EPHX4: variants seen among roughly 807,000 people sequenced by gnomAD.
The protein encoded by EPHX4 is abhydrolase domain containing 7.
Under a neutral mutation model 44.9 loss-of-function variants are expected in EPHX4, and 31 were observed. The ratio of observed to expected loss-of-function variants is 0.69; its 90% CI spans 0.52 to 0.93. The LOEUF (loss-of-function observed/expected upper bound fraction) is 0.93. Ranked by LOEUF, EPHX4 falls within the 40% of genes least tolerant of loss-of-function variation. EPHX4 has a pLI of 0.00. For synonymous variants in EPHX4, 151 were observed against 159.7 expected, an observed-to-expected ratio of 0.95 and a Z score of 0.41; for missense variants, 373 against 438.1, an observed-to-expected ratio of 0.85 and a Z score of 1.33.
chr1:92,045,171 G>T (rs535039059), intron 3 of EPHX4, among the ~76,000 whole-genome samples: 13 of 151,932 alleles, frequency 8.6e-5, no homozygotes, highest in Non-Finnish European at 1.8e-4. Flanking sequence ...GTGTGTGTTG[G>T]GGGGAGGTCT....
At position 92,037,318 on chromosome 1, in the gene EPHX4, C is replaced by T. The variant is rs559034407; in HGVS notation, c.317+4728C>T. ...ATCATCATTGCCTGAGAATAGCTGA[C>T]GAGAAATGGTGATATTTCATGTATA... On this transcript the variant is annotated intron_variant, in intron 2 of 6. Transcript: ENST00000370383. Among the ~76,000 whole-genome samples the T allele has an allele frequency of 2.4e-4, 37 of 152,150 alleles. No individual in the cohort carries two copies. In the South Asian group the frequency reaches 3.5e-3, roughly 15 times the overall value.
rs751716277 is a variant in EPHX4 at position 92,042,985 on chromosome 1, G to C, written c.475+5G>C. The C allele has an allele frequency of 1.5e-5, 24 of 1,585,108 alleles. No homozygotes were observed. Among genetic ancestry groups the C allele is most frequent in the Non-Finnish European group, 1.9e-5 (22 of 1,164,368 alleles). On this transcript the variant is annotated splice_donor_5th_base_variant and intron_variant, in intron 3 of 6. Transcript: ENST00000370383. ...AGGATATTTTAGATTCTTTAGGTAG[G>C]TTAGTTTGAAACAAAACAACTCTTT...
Position 92,030,208 on chromosome 1 carries a change from C to A in EPHX4, c.129C>A (p.Leu43=). 1 of 1,607,526 alleles carries A rather than the reference C, an allele frequency of 6.2e-7. No individual in the cohort carries two copies. The highest frequency in any genetic ancestry group is 8.5e-7 in the Non-Finnish European group (1 of 1,177,100). ...SIHLLKLLWS[L]GKGPAQTFRR... ...ACCTGCTCAAACTTTTGTGGAGCCT[C>A]GGCAAGGGGCCGGCGCAGACCTTCC... The change falls in exon 1 of 7, where the codon CTC becomes CTA. Residue 43 remains leucine (L), a synonymous_variant. Transcript: ENST00000370383.
intron 5 of EPHX4, among the ~76,000 whole-genome samples, chr1:92,052,137 C>G (rs946995209): frequency 6.6e-6 from 1 of 152,072 alleles, no homozygotes; most frequent in Non-Finnish European, 1.5e-5. Flanking sequence ...TCCCTTTAGT[C>G]AGTGATAGCT....
At chr1:92,061,377 C>A (rs1389044174) in intron 6 of EPHX4, among the ~76,000 whole-genome samples, 1 of 152,066 alleles carries the variant, frequency 6.6e-6, no homozygotes, top group Non-Finnish European at 1.5e-5. Context: ...CTTTTTTATT[C>A]ACTAGTAAAA....
chr1:92,047,057 A>G (rs1688592888), intron 4 of EPHX4, among the ~76,000 whole-genome samples: 1 of 152,194 alleles, frequency 6.6e-6, no homozygotes, highest in African/African-American at 2.4e-5. Flanking sequence ...TAGCAGATAT[A>G]AGTTTTCCAA....
chr1:92,060,252 AT>A (rs1370466693), intron 6 of EPHX4, among the ~76,000 whole-genome samples: 4 of 149,924 alleles, frequency 2.7e-5, no homozygotes, highest in Admixed American at 6.7e-5. Context: ...AGAAAAAAAA[AT>A]TTTTTTTTTA....
In EPHX4 at chr1:92,042,897, G is replaced by C; in HGVS notation, c.392G>C (p.Gly131Ala). ...RVVALDLRGY[G>A]ETDAPIHRQN... ...GTAGCACTGGATTTGAGAGGTTATGGAGAAACAGATGCTCCCATTCATCGA... is the reference window on the plus strand; with the variant it reads ...GTAGCACTGGATTTGAGAGGTTATGCAGAAACAGATGCTCCCATTCATCGA... Residue 131 changes from glycine (G) to alanine (A), a missense_variant, in exon 3 of 7, where the codon GGA becomes GCA. By Grantham distance (60) the Gly-to-Ala change is moderately conservative. Transcript: ENST00000370383. 6.2e-7 allele frequency: 1 copy of C among 1,613,480 alleles called. No homozygotes were observed. The highest frequency in any genetic ancestry group is 8.5e-7 in the Non-Finnish European group (1 of 1,179,686).
intron 6 of EPHX4, among the ~76,000 whole-genome samples, chr1:92,057,639 G>A (rs917944728): frequency 4.6e-5 from 7 of 151,010 alleles, no homozygotes; most frequent in Middle Eastern, 3.4e-3. Context: ...TTGCTCTGCC[G>A]TCCAGACTGG....
chr1:92,036,683 A>G (rs1335396064), intron 2 of EPHX4, among the ~76,000 whole-genome samples: 2 of 152,224 alleles, frequency 1.3e-5, no homozygotes, highest in Non-Finnish European at 2.9e-5. Flanking sequence ...AGAATTTAAA[A>G]CAGCAACAAC....
chr1:92,062,605 A>G (rs917422093), intron 6 of EPHX4, among the ~76,000 whole-genome samples: 3 of 151,230 alleles, frequency 2.0e-5, no homozygotes, highest in Admixed American at 6.6e-5. Context: ...AAAAAAAAAA[A>G]AAAAAGAAAC....
At chr1:92,050,729 T>G (rs963843887) in intron 5 of EPHX4, among the ~76,000 whole-genome samples, 2 of 151,780 alleles carry the variant, frequency 1.3e-5, no homozygotes, top group African/African-American at 4.8e-5. Flanking sequence ...GACTTCGGGG[T>G]TAAAAAAAAA....
At chr1:92,040,803 G>A (rs774638513) in intron 2 of EPHX4, among the ~76,000 whole-genome samples, 10 of 151,964 alleles carry the variant, frequency 6.6e-5, no homozygotes, top group South Asian at 4.2e-4. Context: ...ACTTCACATC[G>A]CAGCCCCCCT....
chr1:92,045,803 T>G, intron 4 of EPHX4, 143 bp downstream of exon 4: 2 of 861,304 alleles, frequency 2.3e-6, no homozygotes. Context: ...CATGACAGTG[T>G]CAGATACCTT....
intron 6 of EPHX4, among the ~76,000 whole-genome samples, chr1:92,060,885 C>CT (rs574421107): frequency 1.6e-3 from 228 of 144,536 alleles, no homozygotes; most frequent in Middle Eastern, 3.6e-3. Flanking sequence ...AGTTTGTATT[C>CT]TTTTTTTTTT....
chr1:92,058,470 G>T (rs1647420851), intron 6 of EPHX4, among the ~76,000 whole-genome samples: 1 of 151,408 alleles, frequency 6.6e-6, no homozygotes, highest in Admixed American at 6.6e-5. Context: ...CCATTAATTT[G>T]ATTACCACAT....
At chr1:92,050,446 A>ATAATACATTATT in intron 5 of EPHX4, 26 bp downstream of exon 5, 3 of 1,170,498 alleles carry the variant, frequency 2.6e-6, no homozygotes, top group South Asian at 1.6e-5. Flanking sequence ...CAAACAAATA[A>ATAATACATTATT]TGTATTATTA....
intron 6 of EPHX4, among the ~76,000 whole-genome samples, chr1:92,060,392 A>G (rs955939835): frequency 2.6e-5 from 4 of 151,598 alleles, no homozygotes; most frequent in Non-Finnish European, 5.9e-5. Flanking sequence ...GATGATGATG[A>G]TGGAGTGCCA....
At chr1:92,055,589 G>A (rs1647347916) in intron 6 of EPHX4, among the ~76,000 whole-genome samples, 1 of 152,126 alleles carries the variant, frequency 6.6e-6, no homozygotes, top group South Asian at 2.1e-4. Context: ...GATTGCAGAG[G>A]CTACAGGTTA....
Sources: gnomAD v4.1 joint callset for allele counts (sites outside exome capture counted in the v4.1 genomes callset) on GRCh38, gnomAD v4.1.1 for gene constraint, MANE v1.5 for transcripts, NCBI Gene and HGNC (gene_info 2026-07-23, HGNC 2026-07-21) for gene names.